FBXL17: variants seen among roughly 807,000 people sequenced by gnomAD.
The protein encoded by FBXL17 is F-box/LRR-repeat protein 17.
A neutral mutation model predicts 66.2 loss-of-function variants in FBXL17; 22 were observed. The observed-to-expected ratio is 0.33, with a 90% confidence interval of 0.24 to 0.47. FBXL17 has a LOEUF of 0.47. Ranked by LOEUF, FBXL17 falls within the 20% of genes least tolerant of loss-of-function variation. FBXL17 has a pLI of 1.00. For missense variants in FBXL17, 878 were observed against 948.2 expected (o/e 0.93, Z 0.97); for synonymous variants, 474 against 400.5 (o/e 1.18, Z -2.19).
At chr5:108,365,274 T>C (rs987380821) in intron 2 of FBXL17, among the ~76,000 whole-genome samples, 6 of 152,046 alleles carry the variant, frequency 3.9e-5, no homozygotes, top group Non-Finnish European at 8.8e-5. Flanking sequence ...AACAAGCCCT[T>C]TAGACCATAT....
intron 4 of FBXL17, among the ~76,000 whole-genome samples, chr5:108,244,861 G>T (rs1435878667): frequency 6.6e-6 from 1 of 152,192 alleles, no homozygotes; most frequent in African/African-American, 2.4e-5. Context: ...CCTGTATTTT[G>T]CAATATATTT....
intron 7 of FBXL17, among the ~76,000 whole-genome samples, chr5:107,902,859 C>T (rs2112534762): frequency 6.6e-6 from 1 of 151,028 alleles, no homozygotes; most frequent in South Asian, 2.1e-4. Flanking sequence ...GGTTCATGTT[C>T]TAGTTGAAGT....
intron 6 of FBXL17, among the ~76,000 whole-genome samples, chr5:108,134,501 A>T (rs1751058279): frequency 1.3e-5 from 2 of 152,036 alleles, no homozygotes; most frequent in Non-Finnish European, 2.9e-5. Context: ...AATCCAACAA[A>T]TTTTTCCCCC....
At chr5:107,922,748 A>G (rs1750366997) in intron 7 of FBXL17, among the ~76,000 whole-genome samples, 1 of 152,230 alleles carries the variant, frequency 6.6e-6, no homozygotes, top group Non-Finnish European at 1.5e-5. Context: ...AGTGAGGTTA[A>G]TATAACAGGC....
chr5:108,232,254 G>A (rs1329322449), intron 4 of FBXL17, among the ~76,000 whole-genome samples: 1 of 152,112 alleles, frequency 6.6e-6, no homozygotes, highest in Non-Finnish European at 1.5e-5. Context: ...TTTATGTAAT[G>A]GTATTTGGGT....
intron 4 of FBXL17, chr5:108,298,182 A>G: frequency 2.0e-6 from 2 of 979,196 alleles, no homozygotes; most frequent in African/African-American, 3.5e-5. Context: ...GAAATTCTAG[A>G]AAGTACAGCT....
chr5:108,373,260 AAATAT>A (rs915214548), intron 1 of FBXL17, among the ~76,000 whole-genome samples: 3 of 145,768 alleles, frequency 2.1e-5, no homozygotes, highest in Admixed American at 7.0e-5. Context: ...ATATTAATAT[AAATAT>A]AATATATATC....
At chr5:108,310,169 A>T (rs1172039913) in intron 4 of FBXL17, among the ~76,000 whole-genome samples, 2 of 152,140 alleles carry the variant, frequency 1.3e-5, no homozygotes, top group Non-Finnish European at 2.9e-5. Context: ...TATTTCCTAT[A>T]CAAGATCACA....
intron 6 of FBXL17, among the ~76,000 whole-genome samples, chr5:108,183,692 T>C (rs1198608540): frequency 1.3e-5 from 2 of 152,218 alleles, no homozygotes; most frequent in East Asian, 1.9e-4. Flanking sequence ...TTGTACCCCA[T>C]AGGCAGTTTT....
chr5:108,125,931 C>T (rs984178511), intron 6 of FBXL17, among the ~76,000 whole-genome samples: 1 of 152,086 alleles, frequency 6.6e-6, no homozygotes, highest in Non-Finnish European at 1.5e-5. Flanking sequence ...AAACATAACA[C>T]CTGTATATTC....
intron 8 of FBXL17, among the ~76,000 whole-genome samples, chr5:107,865,159 T>G (rs1345210896): frequency 6.6e-6 from 1 of 152,244 alleles, no homozygotes; most frequent in African/African-American, 2.4e-5. Flanking sequence ...CGATATGAAC[T>G]CTTTTCTATG....
At chr5:108,341,404 C>G (rs145171983) in intron 4 of FBXL17, among the ~76,000 whole-genome samples, 92 of 152,170 alleles carry the variant, frequency 6.0e-4, no homozygotes, top group African/African-American at 2.2e-3. Flanking sequence ...AATGGGACAA[C>G]AGTACGAATG....
intron 3 of FBXL17, among the ~76,000 whole-genome samples, chr5:108,358,040 ACT>A (rs769671200): frequency 6.6e-6 from 1 of 151,826 alleles, no homozygotes; most frequent in Non-Finnish European, 1.5e-5. Context: ...GCATCCTGCC[ACT>A]CTGCTGAAAT....
At chr5:108,107,094 CAG>C (rs1329696794) in intron 6 of FBXL17, among the ~76,000 whole-genome samples, 3 of 152,174 alleles carry the variant, frequency 2.0e-5, no homozygotes, top group African/African-American at 7.2e-5. Flanking sequence ...TTTTTTGAGA[CAG>C]AGTCTCACTC....
intron 7 of FBXL17, among the ~76,000 whole-genome samples, chr5:107,930,478 G>A (rs1378357521): frequency 6.6e-6 from 1 of 152,176 alleles, no homozygotes; most frequent in East Asian, 1.9e-4. Flanking sequence ...CTGTCACAAA[G>A]TCTTGTAAAT....
In FBXL17 at chr5:108,224,144, T is replaced by C. The variant is rs141165823; in HGVS notation, c.1591A>G (p.Lys531Glu). 154 of 1,609,344 alleles carry C rather than the reference T, an allele frequency of 9.6e-5. No individual in the cohort carries two copies. The highest frequency in any genetic ancestry group is 1.2e-4 in the Non-Finnish European group (138 of 1,176,368). The change falls in exon 5 of 9, where the codon AAA (lysine) becomes GAA (glutamate). Residue 531 changes from lysine to glutamate, a missense_variant. Transcript: ENST00000542267. ...ACCTTGGTTAGGTGAATGACTCCTT[T>C]AGAAGTGACTGAACAACCCATGAAG... is the stretch of plus-strand genomic sequence containing the variant. The part of the protein sequence containing the change: ...VGFMGCSVTS[K>E]GVIHLTKLRN...
chr5:108,048,979 C>A (rs1436885723), intron 6 of FBXL17, among the ~76,000 whole-genome samples: 1 of 152,016 alleles, frequency 6.6e-6, no homozygotes, highest in African/African-American at 2.4e-5. Flanking sequence ...AGAAGATCAA[C>A]CCCAAGACAT....
intron 7 of FBXL17, among the ~76,000 whole-genome samples, chr5:107,907,681 A>G (rs914582714): frequency 6.6e-6 from 1 of 152,220 alleles, no homozygotes; most frequent in African/African-American, 2.4e-5. Flanking sequence ...GCAGCCAAAA[A>G]ACACATGACA....
chr5:107,926,872 A>T (rs1750540554), intron 7 of FBXL17, among the ~76,000 whole-genome samples: 1 of 152,130 alleles, frequency 6.6e-6, no homozygotes, highest in African/African-American at 2.4e-5. Flanking sequence ...TAGCCCATTC[A>T]GTTGGAAACA....
Sources: allele counts gnomAD v4.1 joint callset (sites outside exome capture counted in the v4.1 genomes callset), GRCh38; gene constraint gnomAD v4.1.1; transcripts MANE v1.5; gene names NCBI Gene and HGNC (gene_info 2026-07-23, HGNC 2026-07-21).